The following SRFBP1 variants were observed in gnomAD, a reference collection of about 807,000 sequenced individuals.
SRFBP1 encodes serum response factor-binding protein 1.
SRFBP1 carries 47 observed loss-of-function variants against 45.5 expected under a neutral mutation model. The observed-to-expected ratio is 1.03, with a 90% confidence interval of 0.82 to 1.32. SRFBP1 has a LOEUF of 1.32. SRFBP1 is among the 40% of genes most tolerant of loss of function. The pLI is 0.00. For missense variants in SRFBP1, 621 were observed against 484.6 expected (o/e 1.28, Z -2.64); for synonymous variants, 203 against 166.3 (o/e 1.22, Z -1.70).
intron 4 of SRFBP1, 133 bp from the exon 5 acceptor site, chr5:122,019,127 T>C: frequency 1.4e-6 from 1 of 727,736 alleles, no homozygotes; most frequent in South Asian, 1.8e-5. Context: ...AGATATCTTA[T>C]CTAAGGAGAA....
chr5:122,062,189 A>G (rs574640939), intron 2 of SRFBP1, among the ~76,000 whole-genome samples: 4 of 152,064 alleles, frequency 2.6e-5, no homozygotes, highest in Admixed American at 2.6e-4. Flanking sequence ...CTTTCTGAGT[A>G]TCTTGTGAAA....
intron 2 of SRFBP1, among the ~76,000 whole-genome samples, chr5:122,043,266 A>T (rs1753799461): frequency 1.3e-5 from 2 of 151,162 alleles, no homozygotes; most frequent in Admixed American, 1.3e-4. Context: ...CCCAAGCTGG[A>T]GTGCAGTGGT....
intron 4 of SRFBP1, among the ~76,000 whole-genome samples, chr5:122,013,059 A>T (rs1196731463): frequency 6.6e-6 from 1 of 152,120 alleles, no homozygotes; most frequent in Non-Finnish European, 1.5e-5. Context: ...GATCTTCCAG[A>T]TCAAAAGTCC....
rs562262184 is a variant in SRFBP1, at chr5:122,062,461, T to G, written n.312-12854T>G. On this transcript the variant is annotated intron_variant and non_coding_transcript_variant, in intron 2 of 2. Transcript: ENST00000504881. ...AGGAAAGATCTACACACCCCTATCT[T>G]TGGTTACTGAGCTAATTAATGAACA... Among the ~76,000 whole-genome samples, 64 of 152,122 alleles carry G rather than the reference T, an allele frequency of 4.2e-4. 2 individuals are homozygous for G. In the South Asian group the frequency reaches 0.013, roughly 31 times the overall value.
chr5:122,008,662 A>T (rs906957140), intron 4 of SRFBP1, among the ~76,000 whole-genome samples: 2 of 151,838 alleles, frequency 1.3e-5, no homozygotes, highest in Admixed American at 6.6e-5. Flanking sequence ...TTGTAAAGGT[A>T]TTTTTTTGTG....
intron 2 of SRFBP1, among the ~76,000 whole-genome samples, chr5:122,050,507 A>G (rs1753955618): frequency 1.3e-5 from 2 of 152,148 alleles, no homozygotes; most frequent in East Asian, 1.9e-4. Context: ...CATTTCTTCT[A>G]TATTTTCTAG....
intron 4 of SRFBP1, 118 bp from the exon 5 acceptor site, chr5:122,019,142 A>C: frequency 2.5e-6 from 2 of 810,194 alleles, no homozygotes; most frequent in Non-Finnish European, 4.0e-6. Context: ...GGAGAATATT[A>C]ACTAGTTCTA....
intron 2 of SRFBP1, among the ~76,000 whole-genome samples, chr5:122,060,942 A>G (rs562522711): frequency 2.0e-5 from 3 of 152,226 alleles, no homozygotes; most frequent in African/African-American, 4.8e-5. Context: ...GATCACAGCT[A>G]CCAGGTTGTT....
intron 4 of SRFBP1, among the ~76,000 whole-genome samples, chr5:122,009,238 GT>G (rs1753040182): frequency 6.6e-6 from 1 of 152,062 alleles, no homozygotes; most frequent in South Asian, 2.1e-4. Flanking sequence ...TATTTAATTG[GT>G]TTGTTTTCTT....
At chr5:122,004,889 A>G (rs1194746115) in intron 4 of SRFBP1, among the ~76,000 whole-genome samples, 3 of 151,978 alleles carry the variant, frequency 2.0e-5, no homozygotes, top group South Asian at 4.1e-4. Context: ...TTTCTCTTCA[A>G]TTTCTTCTTT....
intron 7 of SRFBP1, among the ~76,000 whole-genome samples, chr5:122,023,821 C>G (rs192745027): frequency 3.9e-5 from 6 of 152,344 alleles, no homozygotes; most frequent in Non-Finnish European, 7.4e-5. Flanking sequence ...TTTCTGACCT[C>G]TGTTTCCTTC....
intron 2 of SRFBP1, among the ~76,000 whole-genome samples, chr5:122,041,530 G>C (rs1414962706): frequency 1.3e-5 from 2 of 151,044 alleles, no homozygotes; most frequent in Non-Finnish European, 3.0e-5. Flanking sequence ...TTTCTCATTT[G>C]CCTTTTAGCT....
intron 7 of SRFBP1, among the ~76,000 whole-genome samples, chr5:122,024,361 G>A (rs1753424671): frequency 6.6e-6 from 1 of 152,060 alleles, no homozygotes; most frequent in African/African-American, 2.4e-5. Flanking sequence ...AAATTTTTAT[G>A]TTATTGTAAT....
At chr5:122,007,970 G>C (rs561256592) in intron 4 of SRFBP1, among the ~76,000 whole-genome samples, 1 of 152,130 alleles carries the variant, frequency 6.6e-6, no homozygotes, top group South Asian at 2.1e-4. Context: ...AACCACTTCG[G>C]TACTGGGGTC....
chr5:122,042,412 A>G (rs1413827200), intron 2 of SRFBP1, among the ~76,000 whole-genome samples: 1 of 152,060 alleles, frequency 6.6e-6, no homozygotes, highest in Non-Finnish European at 1.5e-5. Context: ...GACTACAGAT[A>G]CATGCCACCA....
At position 122,026,762 on chromosome 5, in the gene SRFBP1, T is replaced by C. The variant is rs373964645; in HGVS notation, c.1106-180T>C. Among the ~76,000 whole-genome samples the C allele has an allele frequency of 2.2e-4, 34 of 152,320 alleles. No individual in the cohort carries two copies. The South Asian group carries it at 6.8e-3, about 31-fold the overall frequency. On this transcript the variant is annotated intron_variant, in intron 7 of 7. Coordinates refer to ENST00000339397, the MANE Select transcript of SRFBP1 (RefSeq NM_152546.3). Reference sequence around the variant, plus strand: ...AAGCATGTGTGTCAAAATTGACTACTTGTATATAAATTTTCAACTTCAAAC... The same window carrying C: ...AAGCATGTGTGTCAAAATTGACTACCTGTATATAAATTTTCAACTTCAAAC...
At chr5:121,998,642 G>A (rs1267550143) in intron 4 of SRFBP1, among the ~76,000 whole-genome samples, 1 of 124,026 alleles carries the variant, frequency 8.1e-6, no homozygotes, top group Non-Finnish European at 1.6e-5. Context: ...ATGTGCACAT[G>A]TACCCTAAAA....
chr5:121,969,069 C>A (rs1752135464), intron 1 of SRFBP1, among the ~76,000 whole-genome samples: 2 of 152,100 alleles, frequency 1.3e-5, no homozygotes, highest in Admixed American at 6.5e-5. Flanking sequence ...TGTCTTTGGA[C>A]CAAAGTCTCC....
At chr5:121,977,160 GTGGTT>G (rs779680089) in intron 3 of SRFBP1, among the ~76,000 whole-genome samples, 6 of 152,084 alleles carry the variant, frequency 3.9e-5, no homozygotes, top group Non-Finnish European at 5.9e-5. Flanking sequence ...CATCACTATC[GTGGTT>G]TGGTTTGGTT....
Sources: allele counts gnomAD v4.1 joint callset (sites outside exome capture counted in the v4.1 genomes callset), GRCh38; gene constraint gnomAD v4.1.1; transcripts MANE v1.5; gene names NCBI Gene and HGNC (gene_info 2026-07-23, HGNC 2026-07-21).